GCA: variants seen among roughly 807,000 people sequenced by gnomAD.
GCA encodes the protein grancalcin, EF-hand calcium-binding protein.
A neutral mutation model predicts 32.6 loss-of-function variants in GCA; 30 were observed. The ratio of observed to expected loss-of-function variants is 0.92; its 90% CI spans 0.69 to 1.25. The LOEUF is 1.25. Among genes scored for constraint, GCA ranks in the 50% most tolerant of loss-of-function variants. The pLI is 0.00. For synonymous variants in GCA, 102 were observed against 84.6 expected, an observed-to-expected ratio of 1.21 and a Z score of -1.13; for missense variants, 291 against 266.8, an observed-to-expected ratio of 1.09 and a Z score of -0.63.
chr2:162,374,415 G>A, downstream of GCA, among the ~76,000 whole-genome samples: 1 of 152,036 alleles, frequency 6.6e-6, no homozygotes, highest in East Asian at 1.9e-4. Flanking sequence ...AATATAATTG[G>A]TCAGATTCCC....
intron 1 of GCA, among the ~76,000 whole-genome samples, chr2:162,332,703 A>AC: frequency 6.6e-6 from 1 of 152,278 alleles, no homozygotes; most frequent in African/African-American, 2.4e-5. Flanking sequence ...GGAGTTTCTT[A>AC]TACTTTTACC....
chr2:162,363,066 C>G lies in GCA; in HGVS notation c.*2823C>G, dbSNP rs1299109017. 1.3e-5 allele frequency among the ~76,000 whole-genome samples: 2 copies of G among 151,300 alleles called. No individual in the cohort carries two copies. Among genetic ancestry groups the G allele is most frequent in the Non-Finnish European group, 3.0e-5 (2 of 67,520 alleles). On this transcript the variant is annotated 3_prime_UTR_variant, in exon 8 of 8. Transcript: ENST00000437150. ...GTAAAATATAAGACATTAAGTTTGC[C>G]TGTAATCTTATGGCATTACTAAACT...
chr2:162,349,474 G>A (rs964905115), intron 2 of GCA, among the ~76,000 whole-genome samples: 3 of 151,910 alleles, frequency 2.0e-5, no homozygotes, highest in African/African-American at 7.3e-5. Flanking sequence ...TAAGATAGTT[G>A]CATGTGTTAA....
Position 162,361,019 on chromosome 2 carries a change from TTGA to T in GCA, c.*781_*783del. 3 of 1,025,064 alleles carry T rather than the reference TTGA, an allele frequency of 2.9e-6. No homozygotes were observed. The highest frequency in any genetic ancestry group is 3.6e-6 in the Non-Finnish European group (3 of 842,310). The allele number at this position is 1,025,064 out of a possible 1,614,324, so 63.5% of individuals were successfully genotyped here. A position where few individuals can be genotyped will look rare whatever the true frequency, so the allele number is the denominator to read the frequency against. ...GACTTTTTAGAAATGGCATATGTTTTTGATGATATGTCAACATTCAAAATTGTC... is the reference window on the plus strand; with the variant it reads ...GACTTTTTAGAAATGGCATATGTTTTTGATATGTCAACATTCAAAATTGTC... On this transcript the variant is annotated 3_prime_UTR_variant, in exon 8 of 8. Transcript: ENST00000437150.
downstream of GCA, among the ~76,000 whole-genome samples, chr2:162,373,911 G>A (rs1482086004): frequency 2.0e-5 from 3 of 152,114 alleles, no homozygotes; most frequent in East Asian, 5.8e-4. Context: ...GAACAAAATA[G>A]ACTACATGTT....
chr2:162,344,001 G>A, upstream of GCA: 4 of 581,784 alleles, frequency 6.9e-6, no homozygotes, highest in South Asian at 7.9e-5. Flanking sequence ...GAGATGGGTG[G>A]GGCTAGGCTG....
At chr2:162,331,086 C>T (rs1353920442) in intron 1 of GCA, among the ~76,000 whole-genome samples, 9 of 152,206 alleles carry the variant, frequency 5.9e-5, no homozygotes, top group Admixed American at 5.9e-4. Context: ...GACCGCACTT[C>T]AGCACTGTGC....
chr2:162,356,650 T>C, intron 4 of GCA, 108 bp from the exon 5 acceptor site: 1 of 881,168 alleles, frequency 1.1e-6, no homozygotes, highest in Non-Finnish European at 1.8e-6. Flanking sequence ...AGTCTGTTCA[T>C]ATAATGAGTT....
chr2:162,332,322 AAT>A (rs34401859), intron 1 of GCA, among the ~76,000 whole-genome samples: 2,098 of 136,854 alleles, frequency 0.015, 54 homozygotes, highest in African/African-American at 0.027. Flanking sequence ...AAAAAAAAAA[AAT>A]ATATATATAT....
chr2:162,341,787 A>T (rs1000160870), upstream of GCA, among the ~76,000 whole-genome samples: 3 of 152,324 alleles, frequency 2.0e-5, no homozygotes, highest in South Asian at 6.2e-4. Flanking sequence ...AAGAAACCAC[A>T]TTCTGCAGCC....
At chr2:162,358,663 A>T (rs761412009) in intron 5 of GCA, among the ~76,000 whole-genome samples, 5 of 151,450 alleles carry the variant, frequency 3.3e-5, no homozygotes, top group Non-Finnish European at 4.4e-5. Flanking sequence ...CATTTGAATA[A>T]CAAAGATCAT....
chr2:162,327,452 A>C (rs756853878), intron 1 of GCA, among the ~76,000 whole-genome samples: 4 of 152,092 alleles, frequency 2.6e-5, no homozygotes, highest in Non-Finnish European at 5.9e-5. Context: ...ACTTAGTGCA[A>C]GTGGGCCCTT....
At chr2:162,371,474 C>G in exon 5 of GCA, 3 of 1,251,642 alleles carry the variant, frequency 2.4e-6, no homozygotes, top group Non-Finnish European at 3.1e-6. Flanking sequence ...TTCTTATTTG[C>G]GTGGAAGGCA....
intron 1 of GCA, among the ~76,000 whole-genome samples, chr2:162,345,146 G>GGTTGTT (rs1205451734): frequency 1.2e-4 from 18 of 149,962 alleles, no homozygotes; most frequent in African/African-American, 2.5e-5. Context: ...TTGTGGTTGT[G>GGTTGTT]GTTGTTGTTG....
chr2:162,359,033 C>G lies in GCA; in HGVS notation c.455-11C>G, dbSNP rs1576300121. On this transcript the variant is annotated splice_polypyrimidine_tract_variant and intron_variant, in intron 5 of 7. Coordinates refer to ENST00000437150, the MANE Select transcript of GCA (RefSeq NM_012198.5). ...TTTACATTTAGAAGTTTTAATTTAT[C>G]TCTTTTTTAGGTTATAGGTTGAGTC... 2 of 1,275,082 alleles carry G rather than the reference C, an allele frequency of 1.6e-6. No individual in the cohort carries two copies. The highest frequency in any genetic ancestry group is 3.0e-5 in the African/African-American group (2 of 66,958). 79.0% of individuals were successfully genotyped at this position (1,275,082 alleles called of 1,614,324 possible).
At chr2:162,354,440 TG>T (rs1405233618) in intron 3 of GCA, among the ~76,000 whole-genome samples, 1 of 152,206 alleles carries the variant, frequency 6.6e-6, no homozygotes, top group African/African-American at 2.4e-5. Context: ...GTCTCAGCTC[TG>T]GTATCTTACA....
At chr2:162,364,884 AC>A (rs1196861958), downstream of GCA, among the ~76,000 whole-genome samples, 1 of 151,602 alleles carries the variant, frequency 6.6e-6, no homozygotes, top group African/African-American at 2.4e-5. Flanking sequence ...TTTTAAGTAA[AC>A]AATAAATGTT....
chr2:162,336,868 G>T (rs1684286395), intron 1 of GCA, among the ~76,000 whole-genome samples: 1 of 150,048 alleles, frequency 6.7e-6, no homozygotes, highest in Non-Finnish European at 1.5e-5. Context: ...ATTTCATTTG[G>T]ATTTAATTAA....
In GCA at chr2:162,361,232, T is replaced by C. The variant is rs1269846133; in HGVS notation, c.*989T>C. The C allele has an allele frequency of 4.1e-6, 4 of 984,554 alleles. No homozygotes were observed. Among genetic ancestry groups the C allele is most frequent in the Non-Finnish European group, 4.8e-6 (4 of 829,430 alleles). 61.0% of individuals were successfully genotyped at this position (984,554 alleles called of 1,614,324 possible). On this transcript the variant is annotated 3_prime_UTR_variant, in exon 8 of 8. Coordinates refer to ENST00000437150, the MANE Select transcript of GCA (RefSeq NM_012198.5). ...AGTGCATCTATGTGATGTGGTGTTT[T>C]GAGCATAGTAGGCACCACAGCAACT... is the stretch of plus-strand genomic sequence containing the variant.
Sources: gnomAD v4.1 joint callset for allele counts (sites outside exome capture counted in the v4.1 genomes callset) on GRCh38, gnomAD v4.1.1 for gene constraint, MANE v1.5 for transcripts, NCBI Gene and HGNC (gene_info 2026-07-23, HGNC 2026-07-21) for gene names.